Variants in HSD17B6 observed in about 807,000 individuals in gnomAD.
The protein encoded by HSD17B6 is hydroxysteroid 17-beta dehydrogenase 6.
In HSD17B6, 16 loss-of-function variants were observed where a neutral mutation model predicts 26.4. The ratio of observed to expected loss-of-function variants is 0.61; its 90% CI spans 0.41 to 0.92. The LOEUF is 0.92. HSD17B6 is among the 40% of genes least tolerant of loss of function. The pLI, the probability that HSD17B6 is intolerant of heterozygous loss-of-function variation, is 0.00. For synonymous variants in HSD17B6, 139 were observed against 153.0 expected (o/e 0.91, Z 0.68); for missense variants, 357 against 386.1 (o/e 0.92, Z 0.63).
At chr12:56,778,347 G>A (rs1954636112) in intron 2 of HSD17B6, among the ~76,000 whole-genome samples, 1 of 152,104 alleles carries the variant, frequency 6.6e-6, no homozygotes, top group Non-Finnish European at 1.5e-5. Context: ...GAGTGCAGTG[G>A]CGCGATCTCA....
At chr12:56,767,936 CAT>C (rs1213539805) in intron 1 of HSD17B6, among the ~76,000 whole-genome samples, 92 of 150,162 alleles carry the variant, frequency 6.1e-4, no homozygotes, top group African/African-American at 1.9e-3. Flanking sequence ...CACACACACA[CAT>C]ATATATGTGT....
intron 2 of HSD17B6, among the ~76,000 whole-genome samples, chr12:56,781,632 T>C (rs922044445): frequency 1.2e-4 from 18 of 152,114 alleles, no homozygotes; most frequent in African/African-American, 4.1e-4. Context: ...TGAAACCCCA[T>C]CTCTACTAAA....
intron 2 of HSD17B6, among the ~76,000 whole-genome samples, chr12:56,781,029 G>T (rs745795599): frequency 1.3e-5 from 2 of 151,742 alleles, no homozygotes; most frequent in Non-Finnish European, 2.9e-5. Flanking sequence ...TACCCTTTCC[G>T]CAAAAAGTGA....
chr12:56,774,252 G>T (rs1954545358), intron 2 of HSD17B6, 87 bp downstream of exon 2: 2 of 1,257,832 alleles, frequency 1.6e-6, no homozygotes, highest in South Asian at 1.6e-5. Context: ...CCTGGGGATT[G>T]GTTCAAGGAC....
At chr12:56,764,169 T>C (rs745592207) in intron 1 of HSD17B6, among the ~76,000 whole-genome samples, 3 of 150,838 alleles carry the variant, frequency 2.0e-5, no homozygotes, top group Non-Finnish European at 4.4e-5. Flanking sequence ...ATACTTAGCC[T>C]GTATGCCCAA....
At chr12:56,772,631 A>G (rs1954500512) in intron 1 of HSD17B6, among the ~76,000 whole-genome samples, 1 of 147,228 alleles carries the variant, frequency 6.8e-6, no homozygotes, top group Non-Finnish European at 1.5e-5. Flanking sequence ...CAGGAGGCGG[A>G]GGTTGCAGTG....
At chr12:56,770,024 GCT>G (rs1954436651) in intron 1 of HSD17B6, among the ~76,000 whole-genome samples, 1 of 152,170 alleles carries the variant, frequency 6.6e-6, no homozygotes, top group Admixed American at 6.5e-5. Context: ...TCAGGTTGAA[GCT>G]CTCTGTGTTA....
At chr12:56,774,476 G>A (rs1030024801) in intron 2 of HSD17B6, among the ~76,000 whole-genome samples, 1 of 152,162 alleles carries the variant, frequency 6.6e-6, no homozygotes, top group African/African-American at 2.4e-5. Context: ...ACCAGGGACC[G>A]GTTTTGTGGA....
chr12:56,785,719 GT>G (rs1209028020), intron 4 of HSD17B6, among the ~76,000 whole-genome samples: 1 of 151,820 alleles, frequency 6.6e-6, no homozygotes, highest in East Asian at 1.9e-4. Context: ...GGTGTGAGAT[GT>G]CTGCTCAACT....
intron 1 of HSD17B6, 100 bp from the exon 2 acceptor site, chr12:56,773,734 T>A: frequency 9.1e-7 from 1 of 1,104,902 alleles, no homozygotes. Flanking sequence ...CAATAAAGAG[T>A]CCCTATCACC....
At chr12:56,763,437 TTGTGTG>T (rs35753038) in intron 1 of HSD17B6, 23 bp downstream of exon 1, 12,199 of 136,176 alleles carry the variant, frequency 0.09, 524 homozygotes, top group African/African-American at 0.12. Flanking sequence ...GTAAGGGTGG[TTGTGTG>T]TGTGTGTGTG....
chr12:56,786,061 T>A, intron 4 of HSD17B6: 1 of 499,354 alleles, frequency 2.0e-6, no homozygotes, highest in Non-Finnish European at 2.6e-6. Flanking sequence ...AAATGTAGAT[T>A]GTGATGATGA....
chr12:56,777,722 T>TA (rs1954624369), intron 2 of HSD17B6, among the ~76,000 whole-genome samples: 1 of 151,864 alleles, frequency 6.6e-6, no homozygotes, highest in Non-Finnish European at 1.5e-5. Context: ...CTGATTTGAC[T>TA]AAAAAAATTT....
chr12:56,767,804 GTA>G (rs972295677), intron 1 of HSD17B6, among the ~76,000 whole-genome samples: 5 of 145,586 alleles, frequency 3.4e-5, no homozygotes, highest in Non-Finnish European at 4.5e-5. Flanking sequence ...ATATATGTGT[GTA>G]TATATAATAT....
intron 3 of HSD17B6, 125 bp downstream of exon 3, chr12:56,782,357 T>C (rs989409932): frequency 2.1e-6 from 2 of 944,944 alleles, no homozygotes; most frequent in African/African-American, 3.3e-5. Flanking sequence ...TTATTACTAG[T>C]CTATTTTATA....
intron 4 of HSD17B6, among the ~76,000 whole-genome samples, chr12:56,786,657 C>T (rs1475735656): frequency 6.6e-6 from 1 of 152,136 alleles, no homozygotes; most frequent in East Asian, 1.9e-4. Context: ...CAAGACCAGC[C>T]TGGGCAACAT....
chr12:56,782,715 A>G (rs572411145), intron 3 of HSD17B6, among the ~76,000 whole-genome samples: 87 of 116,160 alleles, frequency 7.5e-4, no homozygotes, highest in African/African-American at 2.5e-3. Flanking sequence ...GCAGAGGGGG[A>G]TTTGGCAGGG....
At chr12:56,772,659 T>G (rs952652551) in intron 1 of HSD17B6, among the ~76,000 whole-genome samples, 1 of 146,284 alleles carries the variant, frequency 6.8e-6, no homozygotes, top group African/African-American at 2.6e-5. Context: ...ATTGCGCCAT[T>G]GCACTCCAGC....
In HSD17B6 at chr12:56,784,877, GA is replaced by G; in HGVS notation, c.601del (p.Ile201SerfsTer3). On this transcript the variant is annotated frameshift_variant, in exon 4 of 5. Transcript: ENST00000322165. LOFTEE classifies it high-confidence loss of function. ...LRREIQHFGV[K>X]ISIVEPGYFR... ...GGCGTGAGATTCAACATTTTGGGGTGAAAATCAGCATAGTTGAACCTGGCTA... is the reference window on the plus strand; with the variant it reads ...GGCGTGAGATTCAACATTTTGGGGTGAAATCAGCATAGTTGAACCTGGCTA... 1 of 1,613,888 alleles carries G rather than the reference GA, an allele frequency of 6.2e-7. No homozygotes were observed. Among genetic ancestry groups the G allele is most frequent in the Non-Finnish European group, 8.5e-7 (1 of 1,179,968 alleles).
Sources: allele counts gnomAD v4.1 joint callset (sites outside exome capture counted in the v4.1 genomes callset), GRCh38; gene constraint gnomAD v4.1.1; transcripts MANE v1.5; gene names NCBI Gene and HGNC (gene_info 2026-07-23, HGNC 2026-07-21).